The following CTNNA3 variants were observed in gnomAD, a reference collection of about 807,000 sequenced individuals.
CTNNA3 encodes the protein catenin alpha 3, also known as catenin alpha-3.
In CTNNA3, 76 loss-of-function variants were observed where a neutral mutation model predicts 95.7. The observed-to-expected ratio is 0.79, with a 90% confidence interval of 0.66 to 0.96. The LOEUF (loss-of-function observed/expected upper bound fraction) is 0.96. CTNNA3 is among the 40% of genes least tolerant of loss of function. CTNNA3 has a pLI of 0.00. For synonymous variants in CTNNA3, 431 were observed against 374.4 expected, an observed-to-expected ratio of 1.15 and a Z score of -1.74; for missense variants, 1,191 against 1,089.8, an observed-to-expected ratio of 1.09 and a Z score of -1.31.
chr10:67,442,541 GC>G (rs1179739745), intron 5 of CTNNA3, among the ~76,000 whole-genome samples: 1 of 151,904 alleles, frequency 6.6e-6, no homozygotes, highest in African/African-American at 2.4e-5. Context: ...TGAATGAACA[GC>G]CCCCCAAAAA....
chr10:66,726,236 G>A (rs534239216), intron 9 of CTNNA3, among the ~76,000 whole-genome samples: 116 of 152,018 alleles, frequency 7.6e-4, no homozygotes, highest in Admixed American at 1.7e-3. Flanking sequence ...GAAATTTCAG[G>A]ACACAAAAAT....
At position 66,199,811 on chromosome 10, in the gene CTNNA3, T is replaced by TAA. The variant is rs1564756727; in HGVS notation, c.1884+80658_1884+80659insTT. On this transcript the variant is annotated intron_variant, in intron 13 of 17. Coordinates refer to ENST00000433211, the MANE Select transcript of CTNNA3 (RefSeq NM_013266.4). ...TATATATATATATATATATATTTTT[T>TAA]TTTTTTTTTTTTTTTTTTTTTTAGT... is the stretch of plus-strand genomic sequence containing the variant. Among the ~76,000 whole-genome samples the TAA allele has an allele frequency of 3.1e-4, 9 of 29,468 alleles. 1 individual carries two copies. The highest frequency in any genetic ancestry group is 8.1e-4 in the African/African-American group (9 of 11,108). The allele number at this position is 29,468 out of a possible 152,430, so 19.3% of individuals were successfully genotyped here.
intron 7 of CTNNA3, among the ~76,000 whole-genome samples, chr10:66,846,688 C>A (rs1843295892): frequency 6.6e-6 from 1 of 152,110 alleles, no homozygotes; most frequent in Admixed American, 6.5e-5. Context: ...AATACTGTGA[C>A]TCTCTTTTTA....
At chr10:67,741,380 C>T (rs889758528) in intron 1 of CTNNA3, among the ~76,000 whole-genome samples, 16 of 144,186 alleles carry the variant, frequency 1.1e-4, no homozygotes, top group African/African-American at 3.8e-4. Flanking sequence ...GAATTTTCAA[C>T]CCAGAATTTC....
At chr10:67,088,205 A>C (rs1316259589) in intron 7 of CTNNA3, among the ~76,000 whole-genome samples, 2 of 151,254 alleles carry the variant, frequency 1.3e-5, no homozygotes, top group African/African-American at 4.8e-5. Context: ...ATGTATTGGA[A>C]TGGCTTATGT....
intron 1 of CTNNA3, among the ~76,000 whole-genome samples, chr10:67,762,754 C>A (rs775439652): frequency 3.9e-5 from 6 of 152,110 alleles, no homozygotes; most frequent in Non-Finnish European, 7.4e-5. Context: ...GGCGCCACAC[C>A]CTGGCCCTGG....
At chr10:66,103,340 T>C in intron 13 of CTNNA3, 91 bp from the exon 14 acceptor site, 1 of 970,740 alleles carries the variant, frequency 1.0e-6, no homozygotes, top group Non-Finnish European at 1.6e-6. Flanking sequence ...AGGGTAATCA[T>C]AAAGTTACCA....
At chr10:66,090,035 T>A (rs1392247326) in intron 14 of CTNNA3, among the ~76,000 whole-genome samples, 4 of 152,012 alleles carry the variant, frequency 2.6e-5, no homozygotes, top group Non-Finnish European at 5.9e-5. Flanking sequence ...TAATGCTACA[T>A]TCGTGACTAC....
intron 9 of CTNNA3, among the ~76,000 whole-genome samples, chr10:66,717,047 A>T (rs12768300): frequency 0.023 from 3,516 of 151,910 alleles, 182 homozygotes; most frequent in East Asian, 0.22. Context: ...GAAAAAAAAA[A>T]AAACAGAAAA....
At chr10:66,114,934 T>C (rs925974342) in intron 13 of CTNNA3, among the ~76,000 whole-genome samples, 1 of 151,970 alleles carries the variant, frequency 6.6e-6, no homozygotes, top group Non-Finnish European at 1.5e-5. Flanking sequence ...ATTTTATTAA[T>C]TATCATCTAT....
At chr10:67,235,464 T>G (rs1156764191) in intron 5 of CTNNA3, among the ~76,000 whole-genome samples, 115 of 152,042 alleles carry the variant, frequency 7.6e-4, no homozygotes, top group Non-Finnish European at 1.3e-3. Flanking sequence ...TAGCCATATG[T>G]AGAAAGCTGA....
chr10:66,587,671 G>C (rs890577296), intron 10 of CTNNA3, among the ~76,000 whole-genome samples: 1 of 152,150 alleles, frequency 6.6e-6, no homozygotes, highest in African/African-American at 2.4e-5. Flanking sequence ...GGATGCAGGG[G>C]TTAGCAAGCA....
At chr10:66,013,904 A>G (rs2079048598) in intron 15 of CTNNA3, among the ~76,000 whole-genome samples, 1 of 152,186 alleles carries the variant, frequency 6.6e-6, no homozygotes, top group South Asian at 2.1e-4. Context: ...AAAACTGTGG[A>G]TAATTGATTC....
At chr10:66,682,492 G>C (rs189606462) in intron 9 of CTNNA3, among the ~76,000 whole-genome samples, 1 of 151,974 alleles carries the variant, frequency 6.6e-6, no homozygotes, top group South Asian at 2.1e-4. Context: ...CAGACATAGA[G>C]AGCAAGAATT....
intron 15 of CTNNA3, among the ~76,000 whole-genome samples, chr10:66,019,945 C>T (rs1251787476): frequency 1.3e-5 from 2 of 152,028 alleles, no homozygotes; most frequent in African/African-American, 4.8e-5. Flanking sequence ...GATATGAGAC[C>T]AACTTATTTA....
At chr10:67,097,519 C>A in intron 7 of CTNNA3, 1 of 1,404,226 alleles carries the variant, frequency 7.1e-7, no homozygotes, top group Non-Finnish European at 1.0e-6. Flanking sequence ...GCACTTCAGT[C>A]TCTAAATCTT....
chr10:67,370,155 G>C (rs913599792), intron 5 of CTNNA3, among the ~76,000 whole-genome samples: 2 of 151,850 alleles, frequency 1.3e-5, no homozygotes, highest in African/African-American at 4.8e-5. Flanking sequence ...AACAAATTTT[G>C]GTATGTCTAT....
intron 1 of CTNNA3, among the ~76,000 whole-genome samples, chr10:67,729,628 C>A (rs1356620024): frequency 5.9e-5 from 9 of 151,920 alleles, no homozygotes; most frequent in Non-Finnish European, 1.3e-4. Flanking sequence ...ATTGCATGGT[C>A]AGAATATAAT....
At chr10:67,036,656 G>A (rs1417586394) in intron 7 of CTNNA3, among the ~76,000 whole-genome samples, 1 of 152,068 alleles carries the variant, frequency 6.6e-6, no homozygotes, top group Non-Finnish European at 1.5e-5. Context: ...ACTGCACCTG[G>A]CCAGGGGTTT....
Sources: gnomAD v4.1 joint callset for allele counts (sites outside exome capture counted in the v4.1 genomes callset) on GRCh38, gnomAD v4.1.1 for gene constraint, MANE v1.5 for transcripts, NCBI Gene and HGNC (gene_info 2026-07-23, HGNC 2026-07-21) for gene names.